GRIK2: variants seen among roughly 807,000 people sequenced by gnomAD.
The protein encoded by GRIK2 is glutamate receptor ionotropic, kainate 2.
Under a neutral mutation model 100.3 loss-of-function variants are expected in GRIK2, and 32 were observed. That is an observed-to-expected ratio of 0.32 (90% confidence interval 0.24 to 0.43). GRIK2 has a LOEUF of 0.43. Ranked by LOEUF, GRIK2 falls within the 20% of genes least tolerant of loss-of-function variation. The probability of loss-of-function intolerance (pLI) is 1.00; values close to 1 mark genes in which losing one functional copy is unlikely to be tolerated. For missense variants in GRIK2, 843 were observed against 1,114.9 expected (o/e 0.76, Z 3.47); for synonymous variants, 417 against 389.4 (o/e 1.07, Z -0.83).
At chr6:101,853,177 T>C (rs1201260149) in intron 10 of GRIK2, among the ~76,000 whole-genome samples, 1 of 152,172 alleles carries the variant, frequency 6.6e-6, no homozygotes, top group Non-Finnish European at 1.5e-5. Flanking sequence ...TTGTGGAAGT[T>C]GAAAAACCTA....
At chr6:101,980,704 C>G (rs990531634) in intron 14 of GRIK2, among the ~76,000 whole-genome samples, 1 of 151,686 alleles carries the variant, frequency 6.6e-6, no homozygotes, top group Non-Finnish European at 1.5e-5. Context: ...CTAATAAGAT[C>G]TTTTCAAGTT....
At chr6:101,796,431 CG>C (rs1375852489) in intron 7 of GRIK2, among the ~76,000 whole-genome samples, 1 of 152,106 alleles carries the variant, frequency 6.6e-6, no homozygotes, top group East Asian at 1.9e-4. Flanking sequence ...AATTTTCACA[CG>C]GTTTTTCAAA....
chr6:102,012,050 G>A (rs1017897664), intron 14 of GRIK2, among the ~76,000 whole-genome samples: 46 of 152,116 alleles, frequency 3.0e-4, no homozygotes, highest in Admixed American at 7.9e-4. Context: ...TTTGTGAAAC[G>A]TGTAAGGTCT....
chr6:101,403,505 G>A (rs1775436779), intron 2 of GRIK2, among the ~76,000 whole-genome samples: 1 of 152,218 alleles, frequency 6.6e-6, no homozygotes, highest in Admixed American at 6.5e-5. Context: ...AACACAGCCA[G>A]TTTAAGGGAC....
At chr6:101,581,285 C>T (rs560336124) in intron 2 of GRIK2, among the ~76,000 whole-genome samples, 1 of 139,340 alleles carries the variant, frequency 7.2e-6, no homozygotes, top group Admixed American at 7.1e-5. Flanking sequence ...CATGTATACA[C>T]ACGTGTGTGT....
chr6:102,016,061 A>T (rs1795818558), intron 14 of GRIK2, among the ~76,000 whole-genome samples: 1 of 152,096 alleles, frequency 6.6e-6, no homozygotes, highest in African/African-American at 2.4e-5. Flanking sequence ...AGAAAAAAAC[A>T]GCACAAGAAC....
At chr6:101,599,624 C>T (rs623564) in intron 2 of GRIK2, among the ~76,000 whole-genome samples, 4,698 of 151,732 alleles carry the variant, frequency 0.031, 264 homozygotes, top group African/African-American at 0.11. Context: ...GATGGTATCT[C>T]GTTGTGGTTT....
chr6:101,768,544 A>G (rs113847638), intron 7 of GRIK2, among the ~76,000 whole-genome samples: 1 of 152,202 alleles, frequency 6.6e-6, no homozygotes, highest in African/African-American at 2.4e-5. Context: ...TTTATCATCA[A>G]GAGAGGACAT....
intron 14 of GRIK2, among the ~76,000 whole-genome samples, chr6:101,986,219 A>G (rs17062738): frequency 0.11 from 17,349 of 151,854 alleles, 2,794 homozygotes; most frequent in African/African-American, 0.36. Context: ...TAAATCCCCC[A>G]AATGTAGACT....
At chr6:101,710,486 A>G (rs1773621633) in intron 7 of GRIK2, among the ~76,000 whole-genome samples, 2 of 151,918 alleles carry the variant, frequency 1.3e-5, no homozygotes, top group African/African-American at 4.8e-5. Context: ...CAGTTGCAGA[A>G]ATTTTAGTTT....
At chr6:101,420,924 AC>A in intron 2 of GRIK2, among the ~76,000 whole-genome samples, 2 of 152,340 alleles carry the variant, frequency 1.3e-5, no homozygotes, top group South Asian at 4.1e-4. Flanking sequence ...ATGGATACCA[AC>A]CAAGGGAGAC....
At chr6:102,042,688 G>C (rs948935471) in intron 15 of GRIK2, among the ~76,000 whole-genome samples, 5 of 151,350 alleles carry the variant, frequency 3.3e-5, no homozygotes, top group African/African-American at 1.2e-4. Context: ...CATTAGATTT[G>C]GAAAAAAGCA....
intron 2 of GRIK2, among the ~76,000 whole-genome samples, chr6:101,427,639 C>G (rs1769113236): frequency 1.3e-5 from 2 of 152,112 alleles, no homozygotes; most frequent in South Asian, 4.1e-4. Flanking sequence ...ATATGGATTA[C>G]AAATTACCAG....
At chr6:101,797,378 G>A (rs916031212) in intron 7 of GRIK2, among the ~76,000 whole-genome samples, 4 of 151,654 alleles carry the variant, frequency 2.6e-5, no homozygotes, top group African/African-American at 4.8e-5. Flanking sequence ...CAGGGAGGGT[G>A]GGCTTCCCCA....
At chr6:101,409,102 TTGTGTATGTGTGTGTGTG>T (rs1450220811) in intron 2 of GRIK2, among the ~76,000 whole-genome samples, 1 of 133,658 alleles carries the variant, frequency 7.5e-6, no homozygotes, top group African/African-American at 2.9e-5. Context: ...ACCTGAAACA[TTGTGTATGTGTGTGTGTG>T]TGTGTGTGTG....
chr6:101,463,879 G>A (rs184551898), intron 2 of GRIK2, among the ~76,000 whole-genome samples: 25 of 152,174 alleles, frequency 1.6e-4, no homozygotes, highest in African/African-American at 5.8e-4. Context: ...AATACTGAGT[G>A]TCAACTTTAT....
intron 12 of GRIK2, among the ~76,000 whole-genome samples, chr6:101,906,710 G>C (rs891643771): frequency 6.6e-6 from 1 of 151,622 alleles, no homozygotes; most frequent in African/African-American, 2.4e-5. Context: ...TGGTATATTT[G>C]TCTATAATGT....
chr6:101,437,001 A>G (rs1769757631), intron 2 of GRIK2, among the ~76,000 whole-genome samples: 1 of 151,242 alleles, frequency 6.6e-6, no homozygotes, highest in East Asian at 1.9e-4. Flanking sequence ...TTTAAAAATA[A>G]TTTTAGAGTT....
At chr6:101,701,949 C>G (rs112987589) in intron 7 of GRIK2, among the ~76,000 whole-genome samples, 1,551 of 152,098 alleles carry the variant, frequency 0.01, 16 homozygotes, top group Middle Eastern at 0.031. Flanking sequence ...GTAACCAAAG[C>G]TCTGTATCCA....
Sources: gnomAD v4.1 joint callset for allele counts (sites outside exome capture counted in the v4.1 genomes callset) on GRCh38, gnomAD v4.1.1 for gene constraint, MANE v1.5 for transcripts, NCBI Gene and HGNC (gene_info 2026-07-23, HGNC 2026-07-21) for gene names.